DNAJC17: variants seen among roughly 807,000 people sequenced by gnomAD.
DNAJC17 encodes DnaJ heat shock protein family (Hsp40) member C17.
In DNAJC17, 35 loss-of-function variants were observed where a neutral mutation model predicts 48.1. The observed-to-expected ratio is 0.73, with a 90% confidence interval of 0.56 to 0.96. DNAJC17 has a LOEUF of 0.96. Among genes scored for constraint, DNAJC17 ranks in the 50% least tolerant of loss-of-function variants. The probability of loss-of-function intolerance (pLI) is 0.00; values close to 1 mark genes in which losing one functional copy is unlikely to be tolerated. For synonymous variants in DNAJC17, 117 were observed against 142.7 expected, an observed-to-expected ratio of 0.82 and a Z score of 1.28; for missense variants, 355 against 377.1, an observed-to-expected ratio of 0.94 and a Z score of 0.48.
intron 1 of DNAJC17, among the ~76,000 whole-genome samples, chr15:40,785,363 G>C (rs571333906): frequency 1.3e-5 from 2 of 152,300 alleles, no homozygotes; most frequent in South Asian, 4.1e-4. Flanking sequence ...TTCACTAAAA[G>C]AGGGCAAGTT....
At position 40,797,265 on chromosome 15, in the gene DNAJC17, G is replaced by A. The variant is rs560875937; in HGVS notation, c.78+10104C>T. ...CATGCCTATTGTCCTAGCTACTCAG[G>A]AGACTGAAGTGGGACGACTGCTTGG... On this transcript the variant is annotated intron_variant, in intron 1 of 10. Transcript: ENST00000220496. Among the ~76,000 whole-genome samples the A allele has an allele frequency of 3.1e-4, 47 of 152,276 alleles. 1 individual carries two copies. In the South Asian group the frequency reaches 9.3e-3, roughly 30 times the overall value.
intron 2 of DNAJC17, 89 bp from the exon 3 acceptor site, chr15:40,779,692 G>A (rs942384541): frequency 1.3e-4 from 175 of 1,393,096 alleles, no homozygotes; most frequent in Non-Finnish European, 1.7e-4. Flanking sequence ...AATCTTCAAA[G>A]AAGTCACAGG....
intron 1 of DNAJC17, among the ~76,000 whole-genome samples, chr15:40,792,234 T>C (rs1203026462): frequency 6.6e-6 from 1 of 152,212 alleles, no homozygotes; most frequent in Non-Finnish European, 1.5e-5. Flanking sequence ...TTCTAGGGTA[T>C]AAAAGAAATA....
Position 40,769,424 on chromosome 15 carries a change from G to C in DNAJC17, c.793-1362C>G, listed in dbSNP as rs1406282855. ...AGCAGCCAGGCTGATGGCAGGCCAA[G>C]AGGAGGCCACATCTCCCATCCCCAG... On this transcript the variant is annotated intron_variant, in intron 10 of 10. Transcript: ENST00000220496. This position sits in a 1 kb window ranked among gnomAD's most constrained non-coding sequence, Gnocchi z 4.2. Among the ~76,000 whole-genome samples the C allele has an allele frequency of 6.6e-6, 1 of 152,242 alleles. No homozygotes were observed. Among genetic ancestry groups the C allele is most frequent in the Admixed American group, 6.5e-5 (1 of 15,292 alleles).
At chr15:40,804,586 C>T (rs1235914967) in intron 1 of DNAJC17, among the ~76,000 whole-genome samples, 8 of 151,884 alleles carry the variant, frequency 5.3e-5, no homozygotes, top group Middle Eastern at 3.2e-3. Context: ...ACAGTGAGAT[C>T]TTTTCTCAAA....
intron 10 of DNAJC17, 59 bp from the exon 11 acceptor site, chr15:40,768,121 C>G (rs1481163502): frequency 1.3e-5 from 19 of 1,478,840 alleles, no homozygotes; most frequent in Non-Finnish European, 1.6e-5. Context: ...GCCTCACAGA[C>G]TCCGAGTACG....
Position 40,770,872 on chromosome 15 carries a change from A to C in DNAJC17, c.793-2810T>G. On this transcript the variant is annotated intron_variant, in intron 10 of 10. Coordinates refer to ENST00000220496, the MANE Select transcript of DNAJC17 (RefSeq NM_018163.3). This position sits in a 1 kb window ranked among gnomAD's most constrained non-coding sequence, Gnocchi z 5.0. ...AGTGCCCTCCACCAGCACTCAGAGA[A>C]GGGCCTTGTGGACACTCCCTGCTTC... 7.1e-6 allele frequency: 11 copies of C among 1,551,524 alleles called. No individual in the cohort carries two copies. The highest frequency in any genetic ancestry group is 7.8e-6 in the Non-Finnish European group (9 of 1,146,992).
intron 4 of DNAJC17, among the ~76,000 whole-genome samples, chr15:40,777,636 T>G (rs1228205035): frequency 1.3e-5 from 2 of 151,842 alleles, no homozygotes; most frequent in Admixed American, 6.6e-5. Flanking sequence ...GAGAATCGCT[T>G]GAACCCAGGA....
intron 1 of DNAJC17, among the ~76,000 whole-genome samples, chr15:40,805,773 G>A (rs1189570018): frequency 6.6e-6 from 1 of 151,904 alleles, no homozygotes; most frequent in Non-Finnish European, 1.5e-5. Context: ...GGAGGTTGCA[G>A]TAAGCCGAGA....
rs1888934594 is a variant in DNAJC17 at position 40,765,838 on chromosome 15, CA to C, written c.*2101del. The C allele has an allele frequency of 6.4e-7, 1 of 1,569,210 alleles. No individual in the cohort carries two copies. The highest frequency in any genetic ancestry group is 1.2e-5 in the South Asian group (1 of 86,624). ...GGCTTACCTTGCAGGAGGTGGGCCC[CA>C]CTATGGTGGGCGATGAACAGTCGGA... On this transcript the variant is annotated 3_prime_UTR_variant, in exon 11 of 11. Transcript: ENST00000220496.
In DNAJC17 at chr15:40,767,945, T is replaced by C. The variant is rs776569454; in HGVS notation, c.910A>G (p.Thr304Ala). 5.0e-6 allele frequency: 8 copies of C among 1,612,780 alleles called. No individual in the cohort carries two copies. The Admixed American group carries it at 6.7e-5, about 13-fold the overall frequency. ...GTGGATGGCTGGAGCTGGGGCTACGTAGGCGGCCCCTCCTGGTCTTCCTGC... is the reference window on the plus strand; with the variant it reads ...GTGGATGGCTGGAGCTGGGGCTACGCAGGCGGCCCCTCCTGGTCTTCCTGC... ...MQQEDQEGPP[T>A] is the part of the protein sequence containing the mutation. Residue 304 changes from threonine (T) to alanine (A), a missense_variant, in exon 11 of 11, where the codon ACG becomes GCG. By Grantham distance (58) the Thr-to-Ala change is moderately conservative (BLOSUM62 0). This residue lies in a region of DNAJC17 where 88 missense variants were observed against 67.7 expected (regional missense o/e 1.30). Transcript: ENST00000220496.
chr15:40,793,569 G>C (rs1889868343), intron 1 of DNAJC17, among the ~76,000 whole-genome samples: 1 of 152,096 alleles, frequency 6.6e-6, no homozygotes, highest in Non-Finnish European at 1.5e-5. Flanking sequence ...CTGATTTGCT[G>C]TTAGGTGACT....
chr15:40,797,045 GCATTATCCACCA>G (rs1201632028), intron 1 of DNAJC17, among the ~76,000 whole-genome samples: 39 of 152,134 alleles, frequency 2.6e-4, no homozygotes, highest in Admixed American at 2.5e-3. Context: ...GGGATTACAG[GCATTATCCACCA>G]CACTAGAACA....
rs1888931714 is a variant in DNAJC17, at chr15:40,765,687, A to G, written c.*2253T>C. ...CTCCACCCCTTCACAGCTTGTGCTC[A>G]GCCCCTAAGAATCCTTGCTACTCTC... is the stretch of plus-strand genomic sequence containing the variant. On this transcript the variant is annotated 3_prime_UTR_variant, in exon 11 of 11. Coordinates refer to ENST00000220496, the MANE Select transcript of DNAJC17 (RefSeq NM_018163.3). 2.3e-6 allele frequency: 1 copy of G among 433,696 alleles called. No individual in the cohort carries two copies. The highest frequency in any genetic ancestry group is 4.2e-6 in the Non-Finnish European group (1 of 240,576). 26.9% of individuals were successfully genotyped at this position (433,696 alleles called of 1,614,324 possible).
rs1889002165 is a variant in DNAJC17, at chr15:40,768,074, G to A, written c.793-12C>T. On this transcript the variant is annotated splice_polypyrimidine_tract_variant and intron_variant, in intron 10 of 10. Transcript: ENST00000220496. ...GACAGCACTGAGCCCTGTCGGACAGGGCAGGGACAGGGAGGGGTCAGGGAC... is the reference window on the plus strand; with the variant it reads ...GACAGCACTGAGCCCTGTCGGACAGAGCAGGGACAGGGAGGGGTCAGGGAC... The A allele has an allele frequency of 6.5e-7, 1 of 1,536,918 alleles. No homozygotes were observed. The highest frequency in any genetic ancestry group is 2.1e-5 in the Admixed American group (1 of 47,384).
chr15:40,789,635 C>T (rs989746769), intron 1 of DNAJC17, among the ~76,000 whole-genome samples: 1 of 151,920 alleles, frequency 6.6e-6, no homozygotes, highest in Non-Finnish European at 1.5e-5. Context: ...GGTCTCTAGC[C>T]CCAGAACCAC....
rs181275305 is a variant in DNAJC17 at position 40,779,866 on chromosome 15, C to A, written c.148+62G>T. Reference sequence around the variant, plus strand: ...CAGCACTCACATGCAGAGCTTACATCGGGAAACACAATGCCCGGGTGAGTG... The same window carrying A: ...CAGCACTCACATGCAGAGCTTACATAGGGAAACACAATGCCCGGGTGAGTG... On this transcript the variant is annotated intron_variant, in intron 2 of 10. Transcript: ENST00000220496. The A allele has an allele frequency of 3.9e-6, 6 of 1,555,132 alleles. No individual in the cohort carries two copies. In the East Asian group the frequency reaches 6.8e-5, roughly 18 times the overall value.
chr15:40,796,225 A>G (rs1287707385), intron 1 of DNAJC17, among the ~76,000 whole-genome samples: 2 of 152,212 alleles, frequency 1.3e-5, no homozygotes, highest in African/African-American at 4.8e-5. Flanking sequence ...CTGGAGACAT[A>G]GTAGTAAACA....
In DNAJC17 at chr15:40,767,892, T is replaced by C; in HGVS notation, c.*48A>G. On this transcript the variant is annotated 3_prime_UTR_variant, in exon 11 of 11. Coordinates refer to ENST00000220496, the MANE Select transcript of DNAJC17 (RefSeq NM_018163.3). The stretch of plus-strand genomic sequence containing the variant: ...AATCTTAAAAAAAAAAAAAATTTAT[T>C]GGTGACGTTGAAGAAAAGGGCTGAG... 2 of 1,588,556 alleles carry C rather than the reference T, an allele frequency of 1.3e-6. No homozygotes were observed. The highest frequency in any genetic ancestry group is 2.3e-5 in the South Asian group (2 of 86,760).
Sources: gnomAD v4.1 joint callset for allele counts (sites outside exome capture counted in the v4.1 genomes callset) on GRCh38, gnomAD v4.1.1 for gene constraint, gnomAD v4.1.1 regional missense constraint, Gnocchi (gnomAD v3.1) non-coding constraint, MANE v1.5 for transcripts, NCBI Gene and HGNC (gene_info 2026-07-23, HGNC 2026-07-21) for gene names.